Variants in PLXNA4 observed in about 807,000 individuals in gnomAD.
The protein encoded by PLXNA4 is plexin A4, also known as plexin-A4.
Under a neutral mutation model 191.8 loss-of-function variants are expected in PLXNA4, and 44 were observed. The observed-to-expected ratio is 0.23, with a 90% CI of 0.18 to 0.29. The LOEUF (loss-of-function observed/expected upper bound fraction) is 0.29. Among genes scored for constraint, PLXNA4 ranks in the 10% least tolerant of loss-of-function variants. The pLI, the probability that PLXNA4 is intolerant of heterozygous loss-of-function variation, is 1.00. For missense variants in PLXNA4, 1,800 were observed against 2,488.8 expected, an observed-to-expected ratio of 0.72 and a Z score of 5.89; for synonymous variants, 1,082 against 1,009.5, an observed-to-expected ratio of 1.07 and a Z score of -1.36.
In PLXNA4 at chr7:132,194,297, G is replaced by T. The variant is rs1797183574; in HGVS notation, c.2739-118C>A. ...GTAGGATCTCAGGGATGGCCAGGTA[G>T]GGGAGGAAGGGGAAGATATCCTAAT... is the stretch of plus-strand genomic sequence containing the variant. On this transcript the variant is annotated intron_variant, in intron 13 of 31. Coordinates refer to ENST00000321063, the MANE Select transcript of PLXNA4 (RefSeq NM_020911.2). The T allele has an allele frequency of 1.1e-5, 16 of 1,429,146 alleles. 1 individual carries two copies. The South Asian group carries it at 2.4e-4, about 22-fold the overall frequency. 88.5% of individuals were successfully genotyped at this position (1,429,146 alleles called of 1,614,324 possible).
At chr7:132,338,125 G>A (rs1802888761) in intron 3 of PLXNA4, among the ~76,000 whole-genome samples, 1 of 152,180 alleles carries the variant, frequency 6.6e-6, no homozygotes, top group Non-Finnish European at 1.5e-5. Context: ...ATTCTCAGAT[G>A]CATACTGTGC....
In PLXNA4 at chr7:132,130,537, T is replaced by C. The variant is rs1794897030; in HGVS notation, c.5627A>G (p.Lys1876Arg). Residue 1876 changes from lysine to arginine, a missense_variant, in exon 32 of 32, where the codon AAG (lysine) becomes AGG (arginine). By Grantham distance (26) the Lys-to-Arg change is conservative (BLOSUM62 2). Transcript: ENST00000321063. ...TTCTAGTTTGTAGGCCAGTTTCTGC[T>C]TCCCACACTGGTCATCGTGGTCCAG... is the stretch of plus-strand genomic sequence containing the variant. ...GPLDHDDQCG[K>R]QKLAYKLEQV... 6.2e-7 allele frequency: 1 copy of C among 1,614,164 alleles called. No individual in the cohort carries two copies.
intron 1 of PLXNA4, among the ~76,000 whole-genome samples, chr7:132,540,358 T>C (rs968801079): frequency 1.2e-4 from 18 of 152,162 alleles, no homozygotes; most frequent in Admixed American, 1.2e-3. Context: ...TTATTTAACA[T>C]GCAATTGCTT....
intron 24 of PLXNA4, among the ~76,000 whole-genome samples, chr7:132,163,048 C>G (rs190337613): frequency 6.6e-6 from 1 of 152,332 alleles, no homozygotes; most frequent in Admixed American, 6.5e-5. Flanking sequence ...GTTCCCCGTC[C>G]TCCTCGTTCC....
intron 3 of PLXNA4, among the ~76,000 whole-genome samples, chr7:132,313,111 C>T (rs1459640309): frequency 6.6e-6 from 1 of 152,196 alleles, no homozygotes; most frequent in Non-Finnish European, 1.5e-5. Flanking sequence ...TGAGCTCCAA[C>T]CTCCCTCTCT....
At chr7:132,291,434 T>A (rs1050548784) in intron 4 of PLXNA4, among the ~76,000 whole-genome samples, 1 of 152,220 alleles carries the variant, frequency 6.6e-6, no homozygotes, top group South Asian at 2.1e-4. Context: ...CTGCCCAGAA[T>A]GTAAGGCCTA....
chr7:132,432,793 G>T (rs946044120), intron 3 of PLXNA4, among the ~76,000 whole-genome samples: 2 of 152,102 alleles, frequency 1.3e-5, no homozygotes, highest in Non-Finnish European at 2.9e-5. Flanking sequence ...TTCATTTATC[G>T]TATAGACAAA....
intron 3 of PLXNA4, among the ~76,000 whole-genome samples, chr7:132,471,014 T>TG (rs1391670681): frequency 2.0e-5 from 3 of 152,062 alleles, no homozygotes; most frequent in African/African-American, 4.8e-5. Flanking sequence ...GGTGGGGCCT[T>TG]GGGGGGTGTG....
chr7:132,597,935 A>G (rs867267095), intron 2 of PLXNA4, among the ~76,000 whole-genome samples: 5 of 151,428 alleles, frequency 3.3e-5, no homozygotes, highest in Middle Eastern at 3.4e-3. Flanking sequence ...ACCACATTTT[A>G]CATTTGTTAC....
intron 12 of PLXNA4, 23 bp downstream of exon 12, chr7:132,202,623 C>T: frequency 6.9e-7 from 1 of 1,446,936 alleles, no homozygotes; most frequent in South Asian, 1.6e-5. Flanking sequence ...CCATTTGGAG[C>T]AGGAGGCCCG....
At chr7:132,359,097 C>A (rs1395091892) in intron 3 of PLXNA4, among the ~76,000 whole-genome samples, 3 of 151,862 alleles carry the variant, frequency 2.0e-5, no homozygotes, top group Admixed American at 2.0e-4. Context: ...TTCTCCTCTG[C>A]AAATGGGTAC....
rs144287352 is a variant in PLXNA4, at chr7:132,180,658, C to T, written c.3567G>A (p.Pro1189=). The change falls in exon 19 of 32, where the codon CCG becomes CCA. Residue 1189 remains proline (P), a synonymous_variant. Coordinates refer to ENST00000321063, the MANE Select transcript of PLXNA4 (RefSeq NM_020911.2). ...GGACATCTGACACGGTCACGGTGCACGGCTTCTCCCCAACCAGCACAGTGT... is the reference window on the plus strand; with the variant it reads ...GGACATCTGACACGGTCACGGTGCATGGCTTCTCCCCAACCAGCACAGTGT... ...LNYTVLVGEK[P]CTVTVSDVQL... is the part of the protein sequence containing the mutation. 1.7e-3 allele frequency: 2,760 copies of T among 1,614,174 alleles called. 2 individuals are homozygous for T. The highest frequency in any genetic ancestry group is 2.0e-3 in the Non-Finnish European group (2,398 of 1,180,032).
At chr7:132,217,462 T>G (rs1456150533) in intron 9 of PLXNA4, among the ~76,000 whole-genome samples, 1 of 152,110 alleles carries the variant, frequency 6.6e-6, no homozygotes, top group Non-Finnish European at 1.5e-5. Context: ...ACAGCAAGAT[T>G]GGGGAAAACA....
intron 13 of PLXNA4, among the ~76,000 whole-genome samples, chr7:132,195,373 C>T (rs1022811480): frequency 3.3e-5 from 5 of 152,096 alleles, no homozygotes; most frequent in Admixed American, 2.6e-4. Context: ...TATTGATGAA[C>T]GTTTAGTTGT....
At chr7:132,353,644 A>G (rs976168725) in intron 3 of PLXNA4, among the ~76,000 whole-genome samples, 1 of 152,194 alleles carries the variant, frequency 6.6e-6, no homozygotes, top group African/African-American at 2.4e-5. Context: ...AACAAAACAA[A>G]AAAACACAAG....
intron 3 of PLXNA4, among the ~76,000 whole-genome samples, chr7:132,446,245 A>G (rs554939763): frequency 1.3e-5 from 2 of 152,318 alleles, no homozygotes; most frequent in Admixed American, 1.3e-4. Flanking sequence ...AGTAAAGGTT[A>G]GGTAATATTA....
chr7:132,172,524 CT>C (rs1264060303), intron 21 of PLXNA4, among the ~76,000 whole-genome samples: 1 of 152,114 alleles, frequency 6.6e-6, no homozygotes, highest in Non-Finnish European at 1.5e-5. Flanking sequence ...TAATCAATGG[CT>C]TGTTTCCATA....
chr7:132,328,145 T>TGAAG (rs752030795), intron 3 of PLXNA4, among the ~76,000 whole-genome samples: 2 of 152,074 alleles, frequency 1.3e-5, no homozygotes, highest in East Asian at 3.9e-4. Flanking sequence ...CCACGTTAAG[T>TGAAG]GAAGGGGTCA....
At chr7:132,265,888 C>T (rs546924822) in intron 4 of PLXNA4, among the ~76,000 whole-genome samples, 27 of 152,056 alleles carry the variant, frequency 1.8e-4, no homozygotes, top group South Asian at 6.2e-4. Flanking sequence ...CCCTTAATGC[C>T]GAAGAGCAGG....
Sources: gnomAD v4.1 joint callset for allele counts (sites outside exome capture counted in the v4.1 genomes callset) on GRCh38, gnomAD v4.1.1 for gene constraint, MANE v1.5 for transcripts, NCBI Gene and HGNC (gene_info 2026-07-23, HGNC 2026-07-21) for gene names.